SORD: variants seen among roughly 807,000 people sequenced by gnomAD.
The protein encoded by SORD is sorbitol dehydrogenase, also known as (R,R)-butanediol dehydrogenase.
A neutral mutation model predicts 35.6 loss-of-function variants in SORD; 18 were observed. That is an observed-to-expected ratio of 0.51 (90% CI 0.35 to 0.75). The LOEUF is 0.75. Ranked by LOEUF, SORD falls within the 30% of genes least tolerant of loss-of-function variation. The pLI is 0.01. For missense variants in SORD, 250 were observed against 390.2 expected (o/e 0.64, Z 3.03); for synonymous variants, 106 against 152.9 (o/e 0.69, Z 2.26).
chr15:45,023,489 T>C, intron 1 of SORD, 140 bp downstream of exon 1: 1 of 690,168 alleles, frequency 1.4e-6, no homozygotes. Context: ...CCCAGCTGGT[T>C]CCCCTCGGGG....
intron 3 of SORD, among the ~76,000 whole-genome samples, chr15:45,057,554 G>A (rs577455441): frequency 6.6e-6 from 1 of 152,384 alleles, no homozygotes; most frequent in Non-Finnish European, 1.5e-5. Context: ...GGAGGCTGAG[G>A]TGGGCAGATC....
At chr15:45,045,177 A>G (rs1403116332) in intron 3 of SORD, among the ~76,000 whole-genome samples, 3 of 152,186 alleles carry the variant, frequency 2.0e-5, no homozygotes, top group Non-Finnish European at 2.9e-5. Context: ...GCTACCCAGC[A>G]TCTTCATACT....
intron 6 of SORD, 116 bp downstream of exon 6, chr15:45,068,362 A>G (rs557799175): frequency 2.1e-4 from 159 of 772,784 alleles, no homozygotes; most frequent in South Asian, 1.3e-4. Context: ...GTGTAGTGTC[A>G]TATGGATTGT....
At chr15:45,065,177 A>G (rs1212783006) in intron 4 of SORD, 94 bp from the exon 5 acceptor site, 6 of 1,125,298 alleles carry the variant, frequency 5.3e-6, no homozygotes, top group African/African-American at 1.6e-5. Context: ...AATGCTAGCT[A>G]TGGTTGTTAT....
chr15:45,068,471 G>GCTGTA (rs1300036014), intron 6 of SORD, among the ~76,000 whole-genome samples: 4 of 151,860 alleles, frequency 2.6e-5, no homozygotes, highest in African/African-American at 9.7e-5. Context: ...GTGTCTGTGT[G>GCTGTA]TAGCTGTATG....
At chr15:45,059,461 T>A (rs548746827) in intron 3 of SORD, among the ~76,000 whole-genome samples, 31 of 152,190 alleles carry the variant, frequency 2.0e-4, no homozygotes, top group Non-Finnish European at 4.0e-4. Flanking sequence ...TGGTATACTC[T>A]TACATTGGAA....
intron 6 of SORD, 121 bp from the exon 7 acceptor site, chr15:45,068,756 A>C (rs945506057): frequency 1.5e-6 from 2 of 1,309,352 alleles, no homozygotes; most frequent in Non-Finnish European, 2.0e-6. Context: ...CAACACCACC[A>C]CCCATTGCAC....
intron 3 of SORD, chr15:45,047,017 C>CAAAT (rs935999594): frequency 1.1e-4 from 16 of 152,104 alleles, no homozygotes; most frequent in Non-Finnish European, 2.2e-4. Flanking sequence ...GACTCTGTCT[C>CAAAT]AAATAAATAA....
intron 1 of SORD, among the ~76,000 whole-genome samples, chr15:45,037,857 G>T (rs1892894915): frequency 6.6e-6 from 1 of 151,930 alleles, no homozygotes; most frequent in South Asian, 2.1e-4. Context: ...TGCATGTGGG[G>T]CTTCAAACCT....
chr15:45,023,582 G>A (rs1319279790), intron 1 of SORD, among the ~76,000 whole-genome samples: 2 of 152,260 alleles, frequency 1.3e-5, no homozygotes, highest in East Asian at 1.9e-4. Context: ...TGGCTGGCAC[G>A]TGGCCGGTGC....
chr15:45,065,688 A>G (rs1443063877), intron 5 of SORD, among the ~76,000 whole-genome samples: 4 of 152,212 alleles, frequency 2.6e-5, no homozygotes, highest in African/African-American at 9.6e-5. Context: ...GGGAAACCAA[A>G]GCCGGTGGAT....
intron 5 of SORD, among the ~76,000 whole-genome samples, 177 bp from the exon 6 acceptor site, chr15:45,068,004 C>T (rs1238413108): frequency 2.6e-5 from 4 of 152,120 alleles, no homozygotes; most frequent in Non-Finnish European, 5.9e-5. Flanking sequence ...GAGAATAATT[C>T]TTCATGGATT....
intron 1 of SORD, chr15:45,036,382 T>C (rs1436805813): frequency 2.2e-6 from 1 of 455,766 alleles, no homozygotes; most frequent in Non-Finnish European, 4.4e-6. Flanking sequence ...AGTCCTCTTG[T>C]AGTCACTCAT....
At chr15:45,049,367 C>T (rs951046530) in intron 3 of SORD, among the ~76,000 whole-genome samples, 1 of 152,136 alleles carries the variant, frequency 6.6e-6, no homozygotes, top group East Asian at 1.9e-4. Context: ...CCTTCTGGGG[C>T]TTATCTAAGG....
intron 1 of SORD, among the ~76,000 whole-genome samples, chr15:45,030,814 C>G (rs1449953709): frequency 4.5e-5 from 4 of 88,376 alleles, no homozygotes; most frequent in Non-Finnish European, 5.3e-5. Flanking sequence ...CCTCTCCAGC[C>G]TGGTGAGGAC....
chr15:45,039,374 C>T (rs1225041302), intron 1 of SORD, among the ~76,000 whole-genome samples: 2 of 152,160 alleles, frequency 1.3e-5, no homozygotes, highest in Non-Finnish European at 2.9e-5. Flanking sequence ...GTGATCCGCC[C>T]GCATCAGCCT....
At chr15:45,042,638 C>T (rs1237292848) in intron 2 of SORD, 3 of 153,284 alleles carry the variant, frequency 2.0e-5, no homozygotes, top group Non-Finnish European at 4.4e-5. Flanking sequence ...ATCCACGAAT[C>T]ACGCGTAGCA....
At chr15:45,068,707 G>T (rs912737335) in intron 6 of SORD, among the ~76,000 whole-genome samples, 170 bp from the exon 7 acceptor site, 34 of 151,610 alleles carry the variant, frequency 2.2e-4, no homozygotes, top group Admixed American at 1.1e-3. Flanking sequence ...TGGGCTGCAG[G>T]TTGGACAAGC....
intron 5 of SORD, among the ~76,000 whole-genome samples, chr15:45,065,907 A>G (rs1431428798): frequency 6.6e-6 from 1 of 151,410 alleles, no homozygotes; most frequent in African/African-American, 2.4e-5. Context: ...GTGACAGAAC[A>G]AGACCCTGTC....
Sources: allele counts gnomAD v4.1 joint callset (sites outside exome capture counted in the v4.1 genomes callset), GRCh38; gene constraint gnomAD v4.1.1; transcripts MANE v1.5; gene names NCBI Gene and HGNC (gene_info 2026-07-23, HGNC 2026-07-21).